MAML2: variants seen among roughly 807,000 people sequenced by gnomAD.
MAML2 encodes the protein mastermind like transcriptional coactivator 2.
MAML2 carries 22 observed loss-of-function variants against 96.1 expected under a neutral mutation model. The ratio of observed to expected loss-of-function variants is 0.23; its 90% CI spans 0.16 to 0.33. The LOEUF is 0.33. Among genes scored for constraint, MAML2 ranks in the 10% least tolerant of loss-of-function variants. The probability of loss-of-function intolerance (pLI) is 1.00; values close to 1 mark genes in which losing one functional copy is unlikely to be tolerated. For synonymous variants in MAML2, 561 were observed against 521.3 expected, an observed-to-expected ratio of 1.08 and a Z score of -1.04; for missense variants, 1,367 against 1,392.4, an observed-to-expected ratio of 0.98 and a Z score of 0.29.
At chr11:96,115,207 G>A (rs541821391) in intron 1 of MAML2, among the ~76,000 whole-genome samples, 6 of 151,174 alleles carry the variant, frequency 4.0e-5, no homozygotes, top group African/African-American at 7.3e-5. Context: ...CTCTGTGCCC[G>A]GGCTGGAGTA....
At chr11:95,999,039 C>G (rs1288272711) in intron 2 of MAML2, among the ~76,000 whole-genome samples, 1 of 152,140 alleles carries the variant, frequency 6.6e-6, no homozygotes, top group East Asian at 1.9e-4. Flanking sequence ...AATTGTGTTT[C>G]TCTCAAAGGC....
chr11:96,160,427 AT>A (rs10578511), intron 1 of MAML2, among the ~76,000 whole-genome samples: 50,678 of 137,542 alleles, frequency 0.37, 8,966 homozygotes, highest in East Asian at 0.68. Context: ...CAGTTTTCCA[AT>A]TTTTTTTTTT....
At chr11:96,297,109 T>C (rs993245883) in intron 1 of MAML2, among the ~76,000 whole-genome samples, 1 of 152,022 alleles carries the variant, frequency 6.6e-6, no homozygotes, top group African/African-American at 2.4e-5. Flanking sequence ...CACTTCAGCT[T>C]GGGAAAGGCT....
At chr11:96,060,007 G>A (rs1220952898) in intron 2 of MAML2, among the ~76,000 whole-genome samples, 1 of 152,148 alleles carries the variant, frequency 6.6e-6, no homozygotes, top group Non-Finnish European at 1.5e-5. Context: ...TGCTGAAGGC[G>A]AAGATGTTCA....
chr11:96,164,018 G>A (rs1861154431), intron 1 of MAML2, among the ~76,000 whole-genome samples: 2 of 151,374 alleles, frequency 1.3e-5, no homozygotes, highest in South Asian at 2.1e-4. Context: ...ACCCATCCAC[G>A]CCTGGCTATT....
intron 1 of MAML2, among the ~76,000 whole-genome samples, chr11:96,223,390 T>C (rs1436781609): frequency 1.3e-5 from 2 of 152,170 alleles, no homozygotes; most frequent in Admixed American, 6.5e-5. Flanking sequence ...TTATCAACAT[T>C]TATTTGTCAA....
rs1384884232 is a variant in MAML2 at position 96,342,316 on chromosome 11, G to C, written c.-421C>G. ...ACAGAAACACACAGCAAAAGGTATT[G>C]AGAGAGGTATTAATAGAGAGGACTC... On this transcript the variant is annotated 5_prime_UTR_variant, in exon 1 of 5. Coordinates refer to ENST00000524717, the MANE Select transcript of MAML2 (RefSeq NM_032427.4). The C allele has an allele frequency of 3.6e-5, 15 of 420,110 alleles. No homozygotes were observed. Among genetic ancestry groups the C allele is most frequent in the Non-Finnish European group, 5.9e-5 (14 of 237,796 alleles). 26.0% of individuals were successfully genotyped at this position (420,110 alleles called of 1,614,324 possible).
At chr11:96,043,400 AG>A (rs1858847910) in intron 2 of MAML2, among the ~76,000 whole-genome samples, 1 of 152,234 alleles carries the variant, frequency 6.6e-6, no homozygotes, top group Non-Finnish European at 1.5e-5. Flanking sequence ...GCCTTATAAA[AG>A]TTCTCAAATG....
chr11:96,087,408 G>A (rs894857126), intron 2 of MAML2, among the ~76,000 whole-genome samples: 7 of 152,116 alleles, frequency 4.6e-5, no homozygotes, highest in Non-Finnish European at 1.0e-4. Context: ...AAATGAAAAT[G>A]TAAACATAAT....
intron 1 of MAML2, among the ~76,000 whole-genome samples, chr11:96,310,845 T>C (rs79752558): frequency 2.7e-3 from 416 of 152,320 alleles, no homozygotes; most frequent in African/African-American, 8.8e-3. Context: ...TAATCTGCTA[T>C]GTGAATGCAT....
intron 1 of MAML2, among the ~76,000 whole-genome samples, chr11:96,158,894 G>T (rs1861053257): frequency 6.6e-6 from 1 of 152,178 alleles, no homozygotes; most frequent in Non-Finnish European, 1.5e-5. Context: ...AATGGTAAAT[G>T]GTAGAGGAGA....
rs1038767259 is a variant in MAML2 at position 96,089,758 on chromosome 11, A to G, written c.2139+2134T>C. ...GAAGGGACAATGTGGTTCAGTCTAT[A>G]AAGCTGGGATAAAGCTTTAAATGGG... On this transcript the variant is annotated intron_variant, in intron 2 of 4. Coordinates refer to ENST00000524717, the MANE Select transcript of MAML2 (RefSeq NM_032427.4). Among the ~76,000 whole-genome samples, 7 of 152,224 alleles carry G rather than the reference A, an allele frequency of 4.6e-5. No homozygotes were observed. The East Asian group carries it at 1.4e-3, about 29-fold the overall frequency.
chr11:96,291,402 C>T (rs568814817), intron 1 of MAML2, among the ~76,000 whole-genome samples: 116 of 152,236 alleles, frequency 7.6e-4, no homozygotes, highest in Non-Finnish European at 1.6e-3. Flanking sequence ...GCTGGGATTA[C>T]AGGCATGAGC....
intron 1 of MAML2, among the ~76,000 whole-genome samples, chr11:96,165,082 A>G (rs1861170919): frequency 6.6e-6 from 1 of 152,242 alleles, no homozygotes; most frequent in African/African-American, 2.4e-5. Context: ...TTTTTCAAAT[A>G]TATCTCACCA....
chr11:96,062,692 C>G (rs535263979), intron 2 of MAML2, among the ~76,000 whole-genome samples: 79 of 152,314 alleles, frequency 5.2e-4, no homozygotes, highest in Non-Finnish European at 7.8e-4. Context: ...ACCAGCAGCT[C>G]TCCTTATCCA....
intron 1 of MAML2, among the ~76,000 whole-genome samples, chr11:96,132,890 A>G (rs1193598759): frequency 3.3e-5 from 5 of 152,324 alleles, no homozygotes; most frequent in African/African-American, 1.2e-4. Context: ...AATGTGAGCT[A>G]TTTCTGAAAG....
At chr11:96,163,611 T>C (rs1482188372) in intron 1 of MAML2, among the ~76,000 whole-genome samples, 2 of 152,210 alleles carry the variant, frequency 1.3e-5, no homozygotes, top group Non-Finnish European at 2.9e-5. Context: ...CTCCACTAAA[T>C]AGTTCCTACT....
intron 1 of MAML2, among the ~76,000 whole-genome samples, chr11:96,278,711 A>G (rs1441229433): frequency 1.3e-5 from 2 of 152,140 alleles, no homozygotes; most frequent in Non-Finnish European, 2.9e-5. Context: ...CATCAAATAC[A>G]CTTTACCTTT....
intron 1 of MAML2, among the ~76,000 whole-genome samples, chr11:96,215,383 A>G (rs1208990138): frequency 1.3e-5 from 2 of 152,196 alleles, no homozygotes; most frequent in Non-Finnish European, 2.9e-5. Context: ...AAGATTTCAG[A>G]TCATAGTGTG....
Sources: gnomAD v4.1 joint callset for allele counts (sites outside exome capture counted in the v4.1 genomes callset) on GRCh38, gnomAD v4.1.1 for gene constraint, MANE v1.5 for transcripts, NCBI Gene and HGNC (gene_info 2026-07-23, HGNC 2026-07-21) for gene names.